The following MACROD2 variants were observed in gnomAD, a reference collection of about 807,000 sequenced individuals.
MACROD2 encodes the protein ADP-ribose glycohydrolase MACROD2.
MACROD2 carries 36 observed loss-of-function variants against 70.4 expected under a neutral mutation model. The ratio of observed to expected loss-of-function variants is 0.51; its 90% CI spans 0.39 to 0.68. MACROD2 has a LOEUF of 0.68. Ranked by LOEUF, MACROD2 falls within the 30% of genes least tolerant of loss-of-function variation. The probability of loss-of-function intolerance (pLI) is 0.00; values close to 1 mark genes in which losing one functional copy is unlikely to be tolerated. For synonymous variants in MACROD2, 172 were observed against 178.8 expected, an observed-to-expected ratio of 0.96 and a Z score of 0.30; for missense variants, 496 against 538.4, an observed-to-expected ratio of 0.92 and a Z score of 0.78.
At chr20:14,619,090 A>G (rs1600463448) in intron 4 of MACROD2, among the ~76,000 whole-genome samples, 1 of 152,066 alleles carries the variant, frequency 6.6e-6, no homozygotes. Context: ...GGAAAAAGCA[A>G]TGCACATACT....
chr20:14,718,292 C>CAAAAAAAAAAAAAAAAAA (rs11358439), intron 5 of MACROD2, among the ~76,000 whole-genome samples: 12 of 54,642 alleles, frequency 2.2e-4, no homozygotes, highest in Non-Finnish European at 2.7e-4. Flanking sequence ...GACTCTGTCT[C>CAAAAAAAAAAAAAAAAAA]AAAAAAAAAA....
intron 5 of MACROD2, among the ~76,000 whole-genome samples, chr20:15,020,088 T>A (rs956072454): frequency 6.6e-6 from 1 of 152,108 alleles, no homozygotes; most frequent in African/African-American, 2.4e-5. Flanking sequence ...AGCATCTGGG[T>A]TATACTGAAA....
At chr20:14,487,309 A>G (rs1371694271) in intron 3 of MACROD2, among the ~76,000 whole-genome samples, 2 of 151,634 alleles carry the variant, frequency 1.3e-5, no homozygotes, top group Non-Finnish European at 2.9e-5. Context: ...ACTGTGACCA[A>G]TATGGTCACA....
chr20:14,186,065 C>G (rs1446314669), intron 3 of MACROD2, among the ~76,000 whole-genome samples: 1 of 152,106 alleles, frequency 6.6e-6, no homozygotes, highest in African/African-American at 2.4e-5. Context: ...TATCCCTGGC[C>G]TTTTTGATGC....
rs1555817948 is a variant in MACROD2 at position 14,700,522 on chromosome 20, G to GTTGTGT, written c.418+15563_418+15564insTTGTGT. Among the ~76,000 whole-genome samples, 446 of 111,460 alleles carry GTTGTGT rather than the reference G, an allele frequency of 4.0e-3. 2 individuals carry two copies. Among genetic ancestry groups the GTTGTGT allele is most frequent in the South Asian group, 0.021 (73 of 3,542 alleles). The allele number at this position is 111,460 out of a possible 152,430, so 73.1% of individuals were successfully genotyped here. On this transcript the variant is annotated intron_variant, in intron 5 of 17. Coordinates refer to ENST00000684519, the MANE Select transcript of MACROD2 (RefSeq NM_001351661.2). ...TTCTTTGACAGTTAAGACATATGGT[G>GTTGTGT]GTGTGTGTGTGTGTGTGTGTGTGTG...
intron 6 of MACROD2, among the ~76,000 whole-genome samples, chr20:15,393,510 C>T (rs904223691): frequency 1.3e-5 from 2 of 152,114 alleles, no homozygotes; most frequent in Non-Finnish European, 2.9e-5. Flanking sequence ...CCATCTCTTC[C>T]ACTCAATTTT....
chr20:14,012,079 G>T (rs1355943096), intron 2 of MACROD2, among the ~76,000 whole-genome samples: 2 of 151,772 alleles, frequency 1.3e-5, no homozygotes, highest in African/African-American at 2.4e-5. Context: ...GCTAAATTTT[G>T]TATTTTTAGT....
chr20:14,347,470 G>A (rs998726755), intron 3 of MACROD2, among the ~76,000 whole-genome samples: 1 of 152,072 alleles, frequency 6.6e-6, no homozygotes, highest in Non-Finnish European at 1.5e-5. Context: ...AAGAGTAGTG[G>A]ACAGCTAAAT....
intron 8 of MACROD2, among the ~76,000 whole-genome samples, chr20:15,520,765 G>A (rs1404397755): frequency 6.6e-6 from 1 of 152,220 alleles, no homozygotes; most frequent in Non-Finnish European, 1.5e-5. Context: ...TGAAACAGCA[G>A]GTGGGGTTTA....
intron 3 of MACROD2, among the ~76,000 whole-genome samples, chr20:14,314,989 C>A (rs2082600979): frequency 6.6e-6 from 1 of 152,092 alleles, no homozygotes; most frequent in East Asian, 1.9e-4. Flanking sequence ...AAACCTAGGT[C>A]TGTCTAATTC....
chr20:15,730,602 C>T (rs904237869), intron 8 of MACROD2, among the ~76,000 whole-genome samples: 1 of 152,112 alleles, frequency 6.6e-6, no homozygotes, highest in Non-Finnish European at 1.5e-5. Context: ...CCCCTTCTCT[C>T]TAGCTGCCTT....
intron 8 of MACROD2, among the ~76,000 whole-genome samples, chr20:15,625,204 C>T (rs200758): frequency 0.53 from 80,425 of 152,044 alleles, 23,867 homozygotes; most frequent in African/African-American, 0.82. Context: ...AAATGACAAA[C>T]GTTCTTTCCT....
At chr20:14,579,222 A>T (rs1980838721) in intron 4 of MACROD2, among the ~76,000 whole-genome samples, 1 of 144,992 alleles carries the variant, frequency 6.9e-6, no homozygotes, top group Non-Finnish European at 1.5e-5. Flanking sequence ...GCTCACTGCA[A>T]GCTCCGCTTC....
intron 5 of MACROD2, among the ~76,000 whole-genome samples, chr20:14,831,584 G>C (rs1000901433): frequency 6.6e-6 from 1 of 151,500 alleles, no homozygotes; most frequent in Non-Finnish European, 1.5e-5. Context: ...TTTGAGACCA[G>C]CCTGGCCAAC....
chr20:14,559,224 A>G (rs774659401), intron 4 of MACROD2, among the ~76,000 whole-genome samples: 1 of 151,784 alleles, frequency 6.6e-6, no homozygotes, highest in African/African-American at 2.4e-5. Flanking sequence ...TGTGAACCTC[A>G]TAAGTACAAA....
chr20:15,530,659 G>A (rs924633759), intron 8 of MACROD2, among the ~76,000 whole-genome samples: 1 of 148,234 alleles, frequency 6.7e-6, no homozygotes, highest in Non-Finnish European at 1.5e-5. Flanking sequence ...ATGAACCCGG[G>A]AGCCGAGATT....
chr20:16,003,270 C>A (rs1011649417), intron 15 of MACROD2, among the ~76,000 whole-genome samples: 5 of 152,032 alleles, frequency 3.3e-5, no homozygotes, highest in Admixed American at 3.3e-4. Context: ...AGCTCCCCTT[C>A]GAGTATATTT....
intron 5 of MACROD2, among the ~76,000 whole-genome samples, chr20:15,126,686 T>C (rs2076069608): frequency 1.3e-5 from 2 of 152,080 alleles, no homozygotes; most frequent in Non-Finnish European, 2.9e-5. Context: ...TAGTACCACA[T>C]AGACAAAAAC....
intron 5 of MACROD2, among the ~76,000 whole-genome samples, chr20:15,001,465 G>C (rs1291139456): frequency 6.6e-6 from 1 of 152,052 alleles, no homozygotes; most frequent in Non-Finnish European, 1.5e-5. Flanking sequence ...AGGGTCTAAT[G>C]GTCAAATCCC....
Sources: gnomAD v4.1 joint callset for allele counts (sites outside exome capture counted in the v4.1 genomes callset) on GRCh38, gnomAD v4.1.1 for gene constraint, MANE v1.5 for transcripts, NCBI Gene and HGNC (gene_info 2026-07-23, HGNC 2026-07-21) for gene names.